The following DENND11 variants were observed in gnomAD, a reference collection of about 807,000 sequenced individuals.
DENND11 encodes DENN domain-containing protein 11.
In DENND11, 34 loss-of-function variants were observed where a neutral mutation model predicts 49.2. The observed-to-expected ratio is 0.69, with a 90% CI of 0.53 to 0.92. The LOEUF (loss-of-function observed/expected upper bound fraction) is 0.92. DENND11 is among the 40% of genes least tolerant of loss of function. The probability of loss-of-function intolerance (pLI) is 0.00; values close to 1 mark genes in which losing one functional copy is unlikely to be tolerated. For synonymous variants in DENND11, 238 were observed against 230.3 expected (o/e 1.03, Z -0.30); for missense variants, 475 against 581.6 (o/e 0.82, Z 1.88).
rs542241796 is a variant in DENND11, at chr7:141,699,837, T to C, written c.268+2049A>G. 3.9e-5 allele frequency among the ~76,000 whole-genome samples: 6 copies of C among 152,300 alleles called. No homozygotes were observed. The South Asian group carries it at 1.0e-3, about 26-fold the overall frequency. ...GATCAGAATAAATCAAACAGCATTATAGTAAAATGCCTGCACAAAATGTCT... is the reference window on the plus strand; with the variant it reads ...GATCAGAATAAATCAAACAGCATTACAGTAAAATGCCTGCACAAAATGTCT... On this transcript the variant is annotated intron_variant, in intron 1 of 8. Coordinates refer to ENST00000536163, the MANE Select transcript of DENND11 (RefSeq NM_001080392.2).
chr7:141,673,935 CTCTGT>C (rs1798024282), intron 4 of DENND11, 127 bp downstream of exon 4: 3 of 1,138,534 alleles, frequency 2.6e-6, no homozygotes, highest in South Asian at 1.6e-5. Context: ...TATGTTGCAA[CTCTGT>C]TCTATCAAAA....
chr7:141,697,565 C>T (rs1465220141), intron 1 of DENND11, among the ~76,000 whole-genome samples: 1 of 152,182 alleles, frequency 6.6e-6, no homozygotes, highest in Non-Finnish European at 1.5e-5. Context: ...CTTACGACTG[C>T]TCTTTGCATC....
At chr7:141,684,216 C>A (rs767112207) in intron 3 of DENND11, among the ~76,000 whole-genome samples, 1 of 152,168 alleles carries the variant, frequency 6.6e-6, no homozygotes, top group Non-Finnish European at 1.5e-5. Flanking sequence ...GGATTACAGG[C>A]GTGAGCCACC....
rs1023769648 is a variant in DENND11, at chr7:141,659,600, T to C, written c.*3056A>G. ...CCCACCTGGAACTTCTTCTGACTTA[T>C]TCAGGAACAACAGGGCAGCCCAGCC... On this transcript the variant is annotated 3_prime_UTR_variant, in exon 9 of 9. Coordinates refer to ENST00000536163, the MANE Select transcript of DENND11 (RefSeq NM_001080392.2). 1.3e-5 allele frequency: 2 copies of C among 152,416 alleles called. No homozygotes were observed. Among genetic ancestry groups the C allele is most frequent in the Admixed American group, 6.5e-5 (1 of 15,290 alleles). 9.4% of individuals were successfully genotyped at this position (152,416 alleles called of 1,614,324 possible).
intron 4 of DENND11, among the ~76,000 whole-genome samples, chr7:141,667,820 A>G (rs534706571): frequency 6.6e-6 from 1 of 152,134 alleles, no homozygotes; most frequent in Non-Finnish European, 1.5e-5. Flanking sequence ...TTTCCAAGGC[A>G]TCACTCCTGC....
chr7:141,674,311 C>T (rs1268775863), intron 3 of DENND11, 91 bp from the exon 4 acceptor site: 1 of 1,392,968 alleles, frequency 7.2e-7, no homozygotes, highest in Admixed American at 3.3e-5. Context: ...CTCCGCCCAC[C>T]TCAAGGGGCT....
chr7:141,669,284 G>A (rs544277564), intron 4 of DENND11, among the ~76,000 whole-genome samples: 22 of 141,600 alleles, frequency 1.6e-4, no homozygotes, highest in African/African-American at 5.5e-4. Context: ...CTTGCCCTGT[G>A]TGGCCCAGGC....
chr7:141,666,162 C>T (rs1235664583), intron 5 of DENND11, 125 bp downstream of exon 5: 10 of 1,049,180 alleles, frequency 9.5e-6, no homozygotes, highest in South Asian at 6.4e-5. Context: ...AGTTCACTCC[C>T]GGGCTTAAAA....
chr7:141,685,407 C>T (rs1337107718), intron 3 of DENND11, 71 bp downstream of exon 3: 4 of 1,559,928 alleles, frequency 2.6e-6, no homozygotes, highest in East Asian at 2.3e-5. Context: ...ATGCTGTCTC[C>T]GAGGGCTCGT....
At chr7:141,699,431 A>G (rs1798469528) in intron 1 of DENND11, among the ~76,000 whole-genome samples, 1 of 152,198 alleles carries the variant, frequency 6.6e-6, no homozygotes, top group South Asian at 2.1e-4. Context: ...ATAAAATTAT[A>G]TGGTACAAGG....
rs765913835 is a variant in DENND11 at position 141,674,158 on chromosome 7, C to T, written c.590G>A (p.Gly197Glu). Reference protein sequence around the residue: ...HLAAFYEDKKGVLHAGPGRGS... With the variant: ...HLAAFYEDKKEVLHAGPGRGS... ...TCTGCCGGGACCAGCATGGAGCACC[C>T]CCTTTTTGTCCTCATAGAAGGCAGC... Residue 197 changes from glycine to glutamate, a missense_variant, in exon 4 of 9, where the codon GGG becomes GAG. Physicochemically the swap from Gly to Glu is moderately conservative, Grantham distance 98. Transcript: ENST00000536163. 1.1e-5 allele frequency: 17 copies of T among 1,568,556 alleles called. No homozygotes were observed. The highest frequency in any genetic ancestry group is 1.5e-5 in the Non-Finnish European group (17 of 1,156,630).
intron 3 of DENND11, among the ~76,000 whole-genome samples, chr7:141,684,270 G>A (rs760072896): frequency 2.0e-5 from 3 of 152,088 alleles, no homozygotes; most frequent in Non-Finnish European, 4.4e-5. Flanking sequence ...TCCCAGTAAA[G>A]TACTGACACC....
chr7:141,693,038 G>A (rs1047158093), intron 1 of DENND11, among the ~76,000 whole-genome samples: 1 of 152,102 alleles, frequency 6.6e-6, no homozygotes, highest in Admixed American at 6.5e-5. Flanking sequence ...TAAAACTTCT[G>A]ATCTATGAGA....
chr7:141,685,025 A>ATAT (rs1450234330), intron 3 of DENND11, among the ~76,000 whole-genome samples: 2 of 102,072 alleles, frequency 2.0e-5, no homozygotes, highest in Admixed American at 1.1e-4. Context: ...AAAAAAAAAA[A>ATAT]AAAAATATAT....
Position 141,661,217 on chromosome 7 carries a change from C to A in DENND11, c.*1439G>T, listed in dbSNP as rs186305456. On this transcript the variant is annotated 3_prime_UTR_variant, in exon 9 of 9. Transcript: ENST00000536163. ...CGGCTATTCCCATAACCGAGCCAGG[C>A]GGGAAGGGGGAAAAGGAAGACATTA... 6.6e-6 allele frequency: 1 copy of A among 152,114 alleles called. No homozygotes were observed. The highest frequency in any genetic ancestry group is 2.4e-5 in the African/African-American group (1 of 41,394). 9.4% of individuals were successfully genotyped at this position (152,114 alleles called of 1,614,324 possible). A position where few individuals can be genotyped will look rare whatever the true frequency, so the allele number is the denominator to read the frequency against.
chr7:141,686,735 C>A, intron 1 of DENND11, 77 bp from the exon 2 acceptor site: 1 of 954,114 alleles, frequency 1.0e-6, no homozygotes, highest in Non-Finnish European at 1.6e-6. Context: ...GCTTAGCACA[C>A]ATGGCTTTTC....
intron 1 of DENND11, among the ~76,000 whole-genome samples, chr7:141,694,182 T>C (rs1046349818): frequency 6.6e-6 from 1 of 152,206 alleles, no homozygotes; most frequent in Non-Finnish European, 1.5e-5. Context: ...ATTGATGAAT[T>C]AACCTAAATT....
chr7:141,692,853 T>A (rs1374201691), intron 1 of DENND11, among the ~76,000 whole-genome samples: 21 of 152,060 alleles, frequency 1.4e-4, no homozygotes, highest in Admixed American at 1.4e-3. Flanking sequence ...TCTAAAATAA[T>A]AATAATTTTT....
At chr7:141,675,108 G>A (rs778299744) in intron 3 of DENND11, among the ~76,000 whole-genome samples, 6 of 152,158 alleles carry the variant, frequency 3.9e-5, no homozygotes, top group African/African-American at 9.7e-5. Flanking sequence ...AGTGGGCCCT[G>A]GTCCAGTATG....
Sources: allele counts gnomAD v4.1 joint callset (sites outside exome capture counted in the v4.1 genomes callset), GRCh38; gene constraint gnomAD v4.1.1; transcripts MANE v1.5; gene names NCBI Gene and HGNC (gene_info 2026-07-23, HGNC 2026-07-21).